Variants in ATP13A4 observed in about 807,000 individuals in gnomAD.
ATP13A4 encodes the protein probable cation-transporting ATPase 13A4.
In ATP13A4, 114 loss-of-function variants were observed where a neutral mutation model predicts 142.5. The observed-to-expected ratio is 0.80, with a 90% CI of 0.69 to 0.93. The LOEUF (loss-of-function observed/expected upper bound fraction) is 0.93. ATP13A4 is among the 40% of genes least tolerant of loss of function. ATP13A4 has a pLI of 0.00. For synonymous variants in ATP13A4, 488 were observed against 514.8 expected, an observed-to-expected ratio of 0.95 and a Z score of 0.70; for missense variants, 1,392 against 1,454.0, an observed-to-expected ratio of 0.96 and a Z score of 0.69.
Position 193,402,809 on chromosome 3 carries a change from T to C in ATP13A4, c.3434A>G (p.Tyr1145Cys). 2 of 1,614,202 alleles carry C rather than the reference T, an allele frequency of 1.2e-6. No homozygotes were observed. The highest frequency in any genetic ancestry group is 1.7e-6 in the Non-Finnish European group (2 of 1,180,014). ...TATCCGATACTGGCTTTTTGACTGA[T>C]AGCCGAAACATCTTTTAATCATCAT... ...LWMMIKRCFG[Y>C]QSKSQYRIWQ... The change falls in exon 30 of 30, where the codon TAT (tyrosine) becomes TGT (cysteine). Residue 1145 changes from tyrosine (Y) to cysteine (C), a missense_variant. By Grantham distance (194) the Tyr-to-Cys change is radical. Coordinates refer to ENST00000342695, the MANE Select transcript of ATP13A4 (RefSeq NM_032279.4).
At chr3:193,480,752 T>C (rs1719244920) in intron 8 of ATP13A4, among the ~76,000 whole-genome samples, 1 of 152,210 alleles carries the variant, frequency 6.6e-6, no homozygotes, top group South Asian at 2.1e-4. Context: ...AAATCTACCA[T>C]TTGATCCAGC....
Position 193,569,998 on chromosome 3 carries a change from G to A in ATP13A4, n.291+11709C>T, listed in dbSNP as rs1050887523. ...GGAGAGTTTATTTTTTAAAAATTACGCATACAAATATGCTTTGCCAGCAGG... is the reference window on the plus strand; with the variant it reads ...GGAGAGTTTATTTTTTAAAAATTACACATACAAATATGCTTTGCCAGCAGG... On this transcript the variant is annotated intron_variant and non_coding_transcript_variant, in intron 2 of 3. Coordinates refer to the ATP13A4 transcript ENST00000489140. 1.6e-4 allele frequency among the ~76,000 whole-genome samples: 25 copies of A among 151,974 alleles called. 1 individual carries two copies. Among genetic ancestry groups the A allele is most frequent in the African/African-American group, 5.1e-4 (21 of 41,358 alleles).
chr3:193,501,111 T>C (rs1164343272), intron 3 of ATP13A4, among the ~76,000 whole-genome samples: 1 of 152,194 alleles, frequency 6.6e-6, no homozygotes, highest in African/African-American at 2.4e-5. Flanking sequence ...CATTTCTTCA[T>C]TTATCTGTCC....
chr3:193,492,870 T>G, intron 5 of ATP13A4, 47 bp downstream of exon 5: 3 of 1,418,254 alleles, frequency 2.1e-6, no homozygotes, highest in Non-Finnish European at 2.0e-6. Flanking sequence ...TTTGGCTAAC[T>G]GATAATAATC....
chr3:193,458,848 G>A lies in ATP13A4; in HGVS notation c.1674+233C>T, dbSNP rs897709404. On this transcript the variant is annotated intron_variant, in intron 14 of 29. Coordinates refer to ENST00000342695, the MANE Select transcript of ATP13A4 (RefSeq NM_032279.4). ...TAATATTTGCCAGGCATAGTGCCAA[G>A]GATTTTCTTACTGCATCATCTCATT... 9.6e-6 allele frequency: 6 copies of A among 628,242 alleles called. No individual in the cohort carries two copies. The African/African-American group carries it at 1.1e-4, about 12-fold the overall frequency. 38.9% of individuals were successfully genotyped at this position (628,242 alleles called of 1,614,324 possible).
intron 2 of ATP13A4, among the ~76,000 whole-genome samples, chr3:193,573,290 CACAT>C (rs1724318234): frequency 5.5e-5 from 6 of 109,964 alleles, no homozygotes; most frequent in African/African-American, 2.6e-4. Flanking sequence ...TATATATATA[CACAT>C]ATATATATAT....
intron 23 of ATP13A4, 51 bp from the exon 24 acceptor site, chr3:193,435,795 G>T: frequency 6.8e-7 from 1 of 1,469,348 alleles, no homozygotes; most frequent in Non-Finnish European, 9.5e-7. Flanking sequence ...AAAGACATAA[G>T]GTCAGTCATT....
intron 25 of ATP13A4, among the ~76,000 whole-genome samples, chr3:193,426,254 A>G (rs558791457): frequency 7.7e-4 from 117 of 151,996 alleles, no homozygotes; most frequent in Non-Finnish European, 2.4e-4. Flanking sequence ...ACTTAAAAAA[A>G]TTCTATTTCC....
In ATP13A4 at chr3:193,401,166, C is replaced by T. The variant is rs189796147; in HGVS notation, c.*1486G>A. Reference sequence around the variant, plus strand: ...GTTCCAAAGCCAGCCTGGGCCAGGACACTTATCCCCTGATCAGAACATTCA... The same window carrying T: ...GTTCCAAAGCCAGCCTGGGCCAGGATACTTATCCCCTGATCAGAACATTCA... On this transcript the variant is annotated 3_prime_UTR_variant, in exon 30 of 30. Transcript: ENST00000342695. Among the ~76,000 whole-genome samples the T allele has an allele frequency of 1.3e-5, 2 of 152,252 alleles. No homozygotes were observed. The highest frequency in any genetic ancestry group is 4.8e-5 in the African/African-American group (2 of 41,550).
At chr3:193,416,828 A>G (rs1183736791) in intron 25 of ATP13A4, among the ~76,000 whole-genome samples, 1 of 152,236 alleles carries the variant, frequency 6.6e-6, no homozygotes, top group Non-Finnish European at 1.5e-5. Context: ...AAAACTTCCC[A>G]AATTTGATGA....
At chr3:193,511,842 C>A (rs1237679855) in intron 2 of ATP13A4, among the ~76,000 whole-genome samples, 1 of 152,182 alleles carries the variant, frequency 6.6e-6, no homozygotes, top group Non-Finnish European at 1.5e-5. Flanking sequence ...ACCTAAAGTA[C>A]TAGGACAAGA....
intron 25 of ATP13A4, among the ~76,000 whole-genome samples, chr3:193,418,276 G>A (rs1350655774): frequency 9.8e-5 from 14 of 143,062 alleles, no homozygotes; most frequent in East Asian, 2.2e-4. Flanking sequence ...CCGAGATTGC[G>A]CCACTGCACT....
intron 2 of ATP13A4, among the ~76,000 whole-genome samples, chr3:193,509,433 G>A (rs1173880332): frequency 1.3e-5 from 2 of 152,184 alleles, no homozygotes; most frequent in African/African-American, 2.4e-5. Context: ...CATACAATGT[G>A]TGCTCCTCAA....
chr3:193,575,154 C>A (rs926462268), intron 2 of ATP13A4, among the ~76,000 whole-genome samples: 3 of 152,152 alleles, frequency 2.0e-5, no homozygotes, highest in African/African-American at 7.2e-5. Flanking sequence ...GGTTGTTGTT[C>A]TAAGCCACTA....
At chr3:193,465,729 A>G (rs1230417933) in intron 11 of ATP13A4, among the ~76,000 whole-genome samples, 1 of 152,232 alleles carries the variant, frequency 6.6e-6, no homozygotes, top group African/African-American at 2.4e-5. Context: ...CTTTATTGAA[A>G]GAAATATATT....
chr3:193,524,539 T>A (rs1721895417), intron 1 of ATP13A4, among the ~76,000 whole-genome samples: 1 of 152,180 alleles, frequency 6.6e-6, no homozygotes, highest in Non-Finnish European at 1.5e-5. Flanking sequence ...GAGGTCAGTA[T>A]CTGGGAATAC....
chr3:193,584,733 G>C (rs886149953), intron 1 of ATP13A4, among the ~76,000 whole-genome samples: 1 of 151,998 alleles, frequency 6.6e-6, no homozygotes, highest in East Asian at 1.9e-4. Context: ...AGCTTCCATG[G>C]TTATTAACAT....
At chr3:193,531,340 G>GGC (rs1722324336) in intron 1 of ATP13A4, among the ~76,000 whole-genome samples, 1 of 91,910 alleles carries the variant, frequency 1.1e-5, no homozygotes, top group Non-Finnish European at 2.3e-5. Flanking sequence ...GGAAGGAAGG[G>GGC]AGGAAGAGAG....
At chr3:193,476,225 T>C (rs992459758) in intron 8 of ATP13A4, among the ~76,000 whole-genome samples, 14 of 152,092 alleles carry the variant, frequency 9.2e-5, no homozygotes, top group Admixed American at 7.2e-4. Context: ...AACATTCTTA[T>C]TGAGGTTTAT....
Sources: allele counts gnomAD v4.1 joint callset (sites outside exome capture counted in the v4.1 genomes callset), GRCh38; gene constraint gnomAD v4.1.1; transcripts MANE v1.5; gene names NCBI Gene and HGNC (gene_info 2026-07-23, HGNC 2026-07-21).